PLEKHD1: variants seen among roughly 807,000 people sequenced by gnomAD.
The protein encoded by PLEKHD1 is pleckstrin homology and coiled-coil domain containing D1.
A neutral mutation model predicts 69.2 loss-of-function variants in PLEKHD1; 51 were observed. The ratio of observed to expected loss-of-function variants is 0.74; its 90% CI spans 0.59 to 0.93. The LOEUF (loss-of-function observed/expected upper bound fraction) is 0.93. Ranked by LOEUF, PLEKHD1 falls within the 40% of genes least tolerant of loss-of-function variation. The pLI is 0.00. For synonymous variants in PLEKHD1, 236 were observed against 244.7 expected, an observed-to-expected ratio of 0.96 and a Z score of 0.33; for missense variants, 584 against 641.0, an observed-to-expected ratio of 0.91 and a Z score of 0.96.
chr14:69,519,708 C>CG (rs1322654620), intron 6 of PLEKHD1, among the ~76,000 whole-genome samples: 1 of 152,172 alleles, frequency 6.6e-6, no homozygotes. Flanking sequence ...GACCCTCCCC[C>CG]GTTTTCAACT....
intron 6 of PLEKHD1, among the ~76,000 whole-genome samples, chr14:69,512,662 C>A (rs1883295994): frequency 6.6e-6 from 1 of 151,998 alleles, no homozygotes; most frequent in Non-Finnish European, 1.5e-5. Context: ...GAAATGTGTT[C>A]TTTAATCTTC....
At chr14:69,482,265 C>T (rs146132510), upstream of PLEKHD1, among the ~76,000 whole-genome samples, 10 of 152,350 alleles carry the variant, frequency 6.6e-5, no homozygotes, top group East Asian at 3.9e-4. Context: ...TGGGCCCTAC[C>T]GTGCAGGACT....
At chr14:69,518,651 G>C (rs1883440892) in intron 6 of PLEKHD1, among the ~76,000 whole-genome samples, 1 of 152,170 alleles carries the variant, frequency 6.6e-6, no homozygotes, top group African/African-American at 2.4e-5. Context: ...GAGAAATCAT[G>C]CCCTGTGAAG....
rs532351853 is a variant in PLEKHD1, at chr14:69,499,892, C to T, written c.150-223C>T. ...ACCTGGAAGCCAGTAGTGGGGCTCC[C>T]GCTCCAGCTGGCCACCTGTGCAGGG... On this transcript the variant is annotated intron_variant, in intron 1 of 12. Transcript: ENST00000322564. Among the ~76,000 whole-genome samples the T allele has an allele frequency of 1.9e-4, 29 of 152,228 alleles. 1 individual carries two copies. In the South Asian group the frequency reaches 5.8e-3, roughly 31 times the overall value.
intron 6 of PLEKHD1, among the ~76,000 whole-genome samples, chr14:69,512,881 G>GAAAA (rs1883300305): frequency 6.7e-6 from 1 of 149,816 alleles, no homozygotes; most frequent in Non-Finnish European, 1.5e-5. Context: ...GGGCAACACA[G>GAAAA]CAAGGCCCAG....
the PLEKHD1 span, among the ~76,000 whole-genome samples, chr14:69,473,005 G>A: frequency 6.6e-6 from 1 of 152,194 alleles, no homozygotes; most frequent in African/African-American, 2.4e-5. Context: ...TCTAATGCCT[G>A]ATGATCCATC....
chr14:69,499,225 GCACACACACACACACACA>G (rs10551303), intron 1 of PLEKHD1, among the ~76,000 whole-genome samples: 1 of 144,320 alleles, frequency 6.9e-6, no homozygotes, highest in African/African-American at 2.6e-5. Flanking sequence ...TCTCATACGT[GCACACACACACACACACA>G]CACACACACA....
At chr14:69,473,476 C>G in the PLEKHD1 span, among the ~76,000 whole-genome samples, 1 of 152,096 alleles carries the variant, frequency 6.6e-6, no homozygotes, top group Non-Finnish European at 1.5e-5. Context: ...TCAGAAAGGG[C>G]ATGGAACTGA....
At chr14:69,469,561 C>T in the PLEKHD1 span, among the ~76,000 whole-genome samples, 1 of 152,038 alleles carries the variant, frequency 6.6e-6, no homozygotes, top group African/African-American at 2.4e-5. Flanking sequence ...AGGTGCACGC[C>T]AGCATGCCTG....
the PLEKHD1 span, among the ~76,000 whole-genome samples, chr14:69,475,675 G>A: frequency 6.6e-6 from 1 of 152,168 alleles, no homozygotes; most frequent in Non-Finnish European, 1.5e-5. Flanking sequence ...CGCAAGTGAG[G>A]CTTCCCACAG....
intron 1 of PLEKHD1, among the ~76,000 whole-genome samples, chr14:69,495,277 C>T (rs1032745158): frequency 1.3e-5 from 2 of 152,190 alleles, no homozygotes; most frequent in African/African-American, 4.8e-5. Flanking sequence ...TGCCCCCTAA[C>T]GATATGTGGC....
At chr14:69,493,559 C>T (rs1322820715) in intron 1 of PLEKHD1, among the ~76,000 whole-genome samples, 1 of 152,222 alleles carries the variant, frequency 6.6e-6, no homozygotes, top group Non-Finnish European at 1.5e-5. Flanking sequence ...TATTTAACTT[C>T]TCTTAGAGTT....
chr14:69,519,134 T>A (rs1478434747), intron 6 of PLEKHD1, among the ~76,000 whole-genome samples: 1 of 151,996 alleles, frequency 6.6e-6, no homozygotes, highest in Non-Finnish European at 1.5e-5. Context: ...ATAAATGAAA[T>A]AGAACGCTCT....
rs1883760058 is a variant in PLEKHD1, at chr14:69,530,156, A to G, written c.*1737A>G. On this transcript the variant is annotated 3_prime_UTR_variant, in exon 13 of 13. Transcript: ENST00000322564. ...CAACCTATTCTGTGGGAAGAGGAGC[A>G]TTGTTGCCTCTAAGAACACATGCAC... 1.3e-5 allele frequency: 2 copies of G among 152,244 alleles called. No homozygotes were observed. Among genetic ancestry groups the G allele is most frequent in the South Asian group, 2.1e-4 (1 of 4,836 alleles). The allele number at this position is 152,244 out of a possible 1,614,324, so 9.4% of individuals were successfully genotyped here.
chr14:69,508,316 G>A (rs1228912409), intron 6 of PLEKHD1, among the ~76,000 whole-genome samples: 1 of 151,510 alleles, frequency 6.6e-6, no homozygotes, highest in Non-Finnish European at 1.5e-5. Flanking sequence ...TGAGGCAGGA[G>A]AATTGCTTGA....
chr14:69,477,317 C>A, the PLEKHD1 span, among the ~76,000 whole-genome samples: 8 of 152,170 alleles, frequency 5.3e-5, no homozygotes, highest in South Asian at 2.1e-4. Flanking sequence ...CAACTACCTC[C>A]CACTGGCTTG....
chr14:69,498,032 GTTTTATTTTATTTTATTTTA>G (rs201092988), intron 1 of PLEKHD1, among the ~76,000 whole-genome samples: 13 of 137,098 alleles, frequency 9.5e-5, no homozygotes, highest in African/African-American at 3.5e-4. Context: ...ATTTTATTTT[GTTTTATTTTATTTTATTTTA>G]TTTTATTTAT....
chr14:69,481,612 A>G (rs1882542638), upstream of PLEKHD1, among the ~76,000 whole-genome samples: 1 of 152,200 alleles, frequency 6.6e-6, no homozygotes, highest in African/African-American at 2.4e-5. Flanking sequence ...TTTAGGACCT[A>G]TATCATGTTC....
rs942000802 is a variant in PLEKHD1, at chr14:69,522,220, G to T, written c.556-63G>T. 3.4e-6 allele frequency: 5 copies of T among 1,449,698 alleles called. No homozygotes were observed. In the South Asian group the frequency reaches 6.2e-5, roughly 18 times the overall value. 89.8% of individuals were successfully genotyped at this position (1,449,698 alleles called of 1,614,324 possible). A position where few individuals can be genotyped will look rare whatever the true frequency, so the allele number is the denominator to read the frequency against. On this transcript the variant is annotated intron_variant, in intron 6 of 12. Transcript: ENST00000322564. Reference sequence around the variant, plus strand: ...AGAGGGTCCCTTGGGATAGAGTGGGGGATCCTGATCTCAGGGTTCCTTTGC... The same window carrying T: ...AGAGGGTCCCTTGGGATAGAGTGGGTGATCCTGATCTCAGGGTTCCTTTGC...
Sources: allele counts gnomAD v4.1 joint callset (sites outside exome capture counted in the v4.1 genomes callset), GRCh38; gene constraint gnomAD v4.1.1; transcripts MANE v1.5; gene names NCBI Gene and HGNC (gene_info 2026-07-23, HGNC 2026-07-21).